Variants in CTNNA2 observed in about 807,000 individuals in gnomAD.
CTNNA2 encodes catenin alpha-2.
CTNNA2 carries 42 observed loss-of-function variants against 101.0 expected under a neutral mutation model. The ratio of observed to expected loss-of-function variants is 0.42; its 90% CI spans 0.32 to 0.54. The LOEUF is 0.54. Among genes scored for constraint, CTNNA2 ranks in the 20% least tolerant of loss-of-function variants. The pLI, the probability that CTNNA2 is intolerant of heterozygous loss-of-function variation, is 0.14. For missense variants in CTNNA2, 871 were observed against 1,223.1 expected, an observed-to-expected ratio of 0.71 and a Z score of 4.29; for synonymous variants, 450 against 456.4, an observed-to-expected ratio of 0.99 and a Z score of 0.18.
intron 7 of CTNNA2, among the ~76,000 whole-genome samples, chr2:80,054,752 C>T (rs1290444155): frequency 6.6e-6 from 1 of 152,088 alleles, no homozygotes; most frequent in Non-Finnish European, 1.5e-5. Context: ...CTTCTGTTGC[C>T]AGGGTTGAGG....
chr2:79,191,808 A>T (rs764701719), intron 1 of CTNNA2, among the ~76,000 whole-genome samples: 1 of 152,182 alleles, frequency 6.6e-6, no homozygotes, highest in Non-Finnish European at 1.5e-5. Context: ...GTAAGCAAAC[A>T]TGTTATGTCA....
intron 3 of CTNNA2, among the ~76,000 whole-genome samples, chr2:79,853,220 G>A (rs938994176): frequency 6.6e-6 from 1 of 151,552 alleles, no homozygotes; most frequent in South Asian, 2.1e-4. Context: ...GTGGTGCAAT[G>A]ATAGTTCACT....
chr2:80,220,225 C>T (rs144481993), intron 7 of CTNNA2, among the ~76,000 whole-genome samples: 23 of 152,316 alleles, frequency 1.5e-4, no homozygotes, highest in African/African-American at 5.5e-4. Flanking sequence ...TCAGTTCATG[C>T]TTGATACTTG....
chr2:79,214,887 C>A (rs1674227938), intron 2 of CTNNA2, among the ~76,000 whole-genome samples: 2 of 151,844 alleles, frequency 1.3e-5, no homozygotes, highest in Non-Finnish European at 2.9e-5. Flanking sequence ...GGTTTAGAAG[C>A]CTGGCCGTCA....
intron 9 of CTNNA2, among the ~76,000 whole-genome samples, chr2:80,476,248 G>A (rs1461521292): frequency 1.3e-5 from 2 of 152,046 alleles, no homozygotes; most frequent in African/African-American, 4.8e-5. Flanking sequence ...TTTGGCTCTC[G>A]GGGACACTCT....
chr2:80,141,858 T>C (rs1703031351), intron 7 of CTNNA2, among the ~76,000 whole-genome samples: 1 of 130,590 alleles, frequency 7.7e-6, no homozygotes, highest in Non-Finnish European at 1.5e-5. Flanking sequence ...AGATAGCATT[T>C]TTTTTTTTTT....
chr2:80,435,982 TCTC>T lies in CTNNA2; in HGVS notation c.1290+16384_1290+16386del, dbSNP rs563542644. On this transcript the variant is annotated intron_variant, in intron 9 of 18. Transcript: ENST00000402739. ...TCTCTCCCAATTCTCTGCCTAGTGA[TCTC>T]CTGCTTAATTTTTTAAATGAAAAGA... is the stretch of plus-strand genomic sequence containing the variant. 1.8e-4 allele frequency among the ~76,000 whole-genome samples: 28 copies of T among 152,322 alleles called. No individual in the cohort carries two copies. In the South Asian group the frequency reaches 5.2e-3, roughly 28 times the overall value.
chr2:79,315,483 TA>T lies in CTNNA2; in HGVS notation c.-318+2692del, dbSNP rs369130920. 1.2e-3 allele frequency among the ~76,000 whole-genome samples: 186 copies of T among 152,282 alleles called. 1 individual carries two copies. Among genetic ancestry groups the T allele is most frequent in the African/African-American group, 4.0e-3 (165 of 41,572 alleles). On this transcript the variant is annotated intron_variant, in intron 3 of 21. Coordinates refer to the CTNNA2 transcript ENST00000466387. ...GCATTTGCCCAGTTAAGATCTTTCA[TA>T]AAAATGGAATCTTACAATGCATGGT...
intron 7 of CTNNA2, among the ~76,000 whole-genome samples, chr2:79,983,955 G>A (rs1209847802): frequency 6.6e-6 from 1 of 151,672 alleles, no homozygotes. Context: ...TTTCAGATAG[G>A]GACAACCTAT....
intron 2 of CTNNA2, among the ~76,000 whole-genome samples, chr2:79,252,292 A>AT (rs5832371): frequency 0.19 from 29,209 of 150,344 alleles, 3,356 homozygotes; most frequent in African/African-American, 0.33. Context: ...TTTGGAAGAG[A>AT]TTTTTTTTTT....
At chr2:79,277,943 G>T (rs1675256073) in intron 2 of CTNNA2, among the ~76,000 whole-genome samples, 1 of 152,068 alleles carries the variant, frequency 6.6e-6, no homozygotes, top group African/African-American at 2.4e-5. Flanking sequence ...CAACTAAGAT[G>T]GTCTGCTCTG....
intron 3 of CTNNA2, chr2:79,320,092 T>G (rs145960277): frequency 6.6e-6 from 1 of 152,028 alleles, no homozygotes; most frequent in East Asian, 1.9e-4. Context: ...GTGATGAAAA[T>G]TGAGCCAGTC....
intron 2 of CTNNA2, among the ~76,000 whole-genome samples, chr2:79,717,935 A>G (rs913747152): frequency 1.3e-5 from 2 of 150,124 alleles, no homozygotes; most frequent in Admixed American, 1.3e-4. Context: ...TCATTTTTGT[A>G]GAGCCTTGAA....
intron 7 of CTNNA2, among the ~76,000 whole-genome samples, chr2:80,120,077 T>A (rs1041072451): frequency 1.3e-5 from 2 of 152,194 alleles, no homozygotes; most frequent in Non-Finnish European, 2.9e-5. Flanking sequence ...AGGAACTTTT[T>A]AAATTTTCCT....
At chr2:80,574,425 G>T in intron 13 of CTNNA2, 111 bp downstream of exon 13, 1 of 1,291,588 alleles carries the variant, frequency 7.7e-7, no homozygotes. Context: ...AACTTGGTAA[G>T]CTGTTTGGCT....
intron 2 of CTNNA2, among the ~76,000 whole-genome samples, chr2:79,682,883 C>T (rs1683679048): frequency 6.6e-6 from 1 of 152,032 alleles, no homozygotes; most frequent in Admixed American, 6.6e-5. Context: ...GGTTCACTAG[C>T]AAGAGGAATA....
At chr2:79,737,789 T>C (rs1254506782) in intron 2 of CTNNA2, among the ~76,000 whole-genome samples, 1 of 152,204 alleles carries the variant, frequency 6.6e-6, no homozygotes, top group African/African-American at 2.4e-5. Flanking sequence ...ATAGTGTTGC[T>C]GGTTTCAGGA....
chr2:79,734,239 C>T (rs926159263), intron 2 of CTNNA2, among the ~76,000 whole-genome samples: 2 of 152,070 alleles, frequency 1.3e-5, no homozygotes, highest in African/African-American at 4.8e-5. Flanking sequence ...ATTTTAGTGT[C>T]TTAATTTTTA....
chr2:79,898,502 C>T (rs1424960036), intron 6 of CTNNA2, among the ~76,000 whole-genome samples: 4 of 152,108 alleles, frequency 2.6e-5, no homozygotes, highest in Admixed American at 6.5e-5. Context: ...TACAAGTGCA[C>T]GGGCCTTGGA....
Sources: allele counts gnomAD v4.1 joint callset (sites outside exome capture counted in the v4.1 genomes callset), GRCh38; gene constraint gnomAD v4.1.1; transcripts MANE v1.5; gene names NCBI Gene and HGNC (gene_info 2026-07-23, HGNC 2026-07-21).